The following OR1F1 variants were observed in gnomAD, a reference collection of about 807,000 sequenced individuals.
The protein encoded by OR1F1 is olfactory receptor family 1 subfamily F member 1.
For missense variants in OR1F1, 493 were observed against 376.3 expected (o/e 1.31, Z -2.57); for synonymous variants, 184 against 156.7 (o/e 1.17, Z -1.30).
chr16:3,204,726 C>G (rs753317097), exon 1 of OR1F1: 3 of 1,614,064 alleles, frequency 1.9e-6, no homozygotes, highest in Admixed American at 3.3e-5. Context: ...TTCTGCACAC[C>G]CTGCTGATGG....
chr16:3,193,038 G>A, the OR1F1 span, among the ~76,000 whole-genome samples: 2 of 152,172 alleles, frequency 1.3e-5, no homozygotes, highest in African/African-American at 2.4e-5. Flanking sequence ...CCAGGTTCAA[G>A]CGATTTTCCT....
At chr16:3,189,730 G>A in the OR1F1 span, 2 of 151,974 alleles carry the variant, frequency 1.3e-5, no homozygotes, top group African/African-American at 2.4e-5. Context: ...GGTAAAAGTC[G>A]TTTCCTGCTC....
chr16:3,200,235 T>C (rs147174493), upstream of OR1F1, among the ~76,000 whole-genome samples: 138 of 152,270 alleles, frequency 9.1e-4, 1 homozygote, highest in East Asian at 0.019. Flanking sequence ...ACAAGTGCTG[T>C]AGCTGTGAAT....
the OR1F1 span, among the ~76,000 whole-genome samples, chr16:3,196,676 C>G: frequency 4.5e-4 from 68 of 151,634 alleles, no homozygotes; most frequent in African/African-American, 1.6e-3. Flanking sequence ...ATGTAAGCCA[C>G]CACGACTGGC....
At chr16:3,198,504 T>A in the OR1F1 span, among the ~76,000 whole-genome samples, 1 of 152,230 alleles carries the variant, frequency 6.6e-6, no homozygotes, top group South Asian at 2.1e-4. Flanking sequence ...AACACAGTTC[T>A]GTACAGATAT....
chr16:3,193,409 T>C, the OR1F1 span, among the ~76,000 whole-genome samples: 1 of 152,328 alleles, frequency 6.6e-6, no homozygotes, highest in East Asian at 1.9e-4. Flanking sequence ...GACTCCTTTC[T>C]GGAGGATCAG....
chr16:3,196,673 C>T, the OR1F1 span, among the ~76,000 whole-genome samples: 30 of 151,448 alleles, frequency 2.0e-4, no homozygotes, highest in African/African-American at 7.3e-4. Context: ...CAGATGTAAG[C>T]CACCACGACT....
At chr16:3,195,042 C>G in the OR1F1 span, among the ~76,000 whole-genome samples, 1 of 152,228 alleles carries the variant, frequency 6.6e-6, no homozygotes, top group African/African-American at 2.4e-5. Context: ...AGTGAGCACT[C>G]TGGTGGCGGA....
At chr16:3,192,254 C>T in the OR1F1 span, among the ~76,000 whole-genome samples, 1 of 151,826 alleles carries the variant, frequency 6.6e-6, no homozygotes, top group Non-Finnish European at 1.5e-5. Context: ...GATGGGGTTT[C>T]ACCGTGTTAG....
At chr16:3,191,288 C>A in the OR1F1 span, 12 of 152,188 alleles carry the variant, frequency 7.9e-5, no homozygotes, top group African/African-American at 2.2e-4. Context: ...CAGCGCCCTG[C>A]GGAAGGAGCC....
upstream of OR1F1, among the ~76,000 whole-genome samples, chr16:3,202,571 G>A (rs8049998): frequency 9.9e-5 from 15 of 151,552 alleles, no homozygotes; most frequent in African/African-American, 1.9e-4. Flanking sequence ...TTTTTAAGAC[G>A]AATTCTCGCT....
chr16:3,193,421 C>T, the OR1F1 span, among the ~76,000 whole-genome samples: 1 of 152,176 alleles, frequency 6.6e-6, no homozygotes, highest in African/African-American at 2.4e-5. Flanking sequence ...GAGGATCAGA[C>T]GAGTCGGGCT....
In OR1F1 at chr16:3,205,084, G is replaced by C. The variant is rs375207094; in HGVS notation, c.838G>C (p.Val280Leu). 28 of 1,613,956 alleles carry C rather than the reference G, an allele frequency of 1.7e-5. No homozygotes were observed. The highest frequency in any genetic ancestry group is 2.0e-5 in the Non-Finnish European group (24 of 1,179,986). The change falls in exon 1 of 1, where the codon GTA becomes CTA. Residue 280 changes from valine (V) to leucine (L), a missense_variant. Coordinates refer to ENST00000304646, the Ensembl canonical transcript of OR1F1. ...CACTATGGCTACTGTGTTGTATACA[G>C]TAGTGACTCCCATGCTAAACCCTTT...
At chr16:3,200,554 C>T (rs531820194), upstream of OR1F1, among the ~76,000 whole-genome samples, 15 of 152,292 alleles carry the variant, frequency 9.8e-5, no homozygotes, top group African/African-American at 1.4e-4. Flanking sequence ...GCCAAGATTG[C>T]GCCACTGCGC....
chr16:3,188,730 C>A, the OR1F1 span, among the ~76,000 whole-genome samples: 1 of 152,070 alleles, frequency 6.6e-6, no homozygotes, highest in East Asian at 1.9e-4. Flanking sequence ...CCCCTTTTAG[C>A]CCAGATCTGC....
At chr16:3,204,093 T>C (rs1958169747), upstream of OR1F1, among the ~76,000 whole-genome samples, 1 of 152,198 alleles carries the variant, frequency 6.6e-6, no homozygotes, top group Non-Finnish European at 1.5e-5. Flanking sequence ...GCCCTGAACA[T>C]AGCAGTAGCA....
upstream of OR1F1, among the ~76,000 whole-genome samples, chr16:3,203,672 G>A (rs1264542866): frequency 1.3e-5 from 2 of 152,234 alleles, no homozygotes; most frequent in African/African-American, 4.8e-5. Flanking sequence ...GCTGAAGCAG[G>A]AGAATCACTT....
At chr16:3,193,202 T>A in the OR1F1 span, among the ~76,000 whole-genome samples, 1 of 152,186 alleles carries the variant, frequency 6.6e-6, no homozygotes, top group South Asian at 2.1e-4. Flanking sequence ...CTGAGATTAC[T>A]GGCGCGAGCC....
Position 3,204,766 on chromosome 16 carries a change from A to G in OR1F1, c.520A>G (p.Ile174Val). Residue 174 changes from isoleucine (I) to valine (V), a missense_variant, in exon 1 of 1, where the codon ATC (isoleucine) becomes GTC (valine). Physicochemically the swap from Ile to Val is conservative, Grantham distance 29. Transcript: ENST00000304646. Reference sequence around the variant, plus strand: ...ACTCTCATTCTGTGCAGACAATGCCATCACTCACTTCTTCTGCGATGTGAC... The same window carrying G: ...ACTCTCATTCTGTGCAGACAATGCCGTCACTCACTTCTTCTGCGATGTGAC... 1 of 1,614,114 alleles carries G rather than the reference A, an allele frequency of 6.2e-7. No homozygotes were observed. The highest frequency in any genetic ancestry group is 8.5e-7 in the Non-Finnish European group (1 of 1,180,020).
Sources: allele counts gnomAD v4.1 joint callset (sites outside exome capture counted in the v4.1 genomes callset), GRCh38; gene constraint gnomAD v4.1.1; transcripts MANE v1.5; gene names NCBI Gene and HGNC (gene_info 2026-07-23, HGNC 2026-07-21).